XDH: variants seen among roughly 807,000 people sequenced by gnomAD.
XDH encodes the protein xanthine dehydrogenase/oxidase.
XDH carries 138 observed loss-of-function variants against 156.1 expected under a neutral mutation model. That is an observed-to-expected ratio of 0.88 (90% confidence interval 0.77 to 1.02). The LOEUF (loss-of-function observed/expected upper bound fraction) is 1.02. XDH is among the 50% of genes least tolerant of loss of function. The probability of loss-of-function intolerance (pLI) is 0.00; values close to 1 mark genes in which losing one functional copy is unlikely to be tolerated. For synonymous variants in XDH, 669 were observed against 625.7 expected (o/e 1.07, Z -1.03); for missense variants, 1,849 against 1,684.9 (o/e 1.10, Z -1.71).
rs751003838 is a variant in XDH, at chr2:31,387,842, G to T, written c.620C>A (p.Thr207Asn). ...KPEEFTPLDP[T>N]QEPIFPPELL... ...CTCTGGGGGAAAAATGGGCTCCTGG[G>T]TTGGATCCAGGGGCGTGAACTCCTC... is the stretch of plus-strand genomic sequence containing the variant. Residue 207 changes from threonine (T) to asparagine (N), a missense_variant, in exon 8 of 36, where the codon ACC (threonine) becomes AAC (asparagine). By Grantham distance (65) the Thr-to-Asn change is moderately conservative (BLOSUM62 0). Transcript: ENST00000379416. 6.3e-7 allele frequency: 1 copy of T among 1,588,266 alleles called. No individual in the cohort carries two copies. Among genetic ancestry groups the T allele is most frequent in the Admixed American group, 1.8e-5 (1 of 55,298 alleles).
At chr2:31,347,352 C>G (rs990606809) in intron 29 of XDH, among the ~76,000 whole-genome samples, 170 bp downstream of exon 29, 1 of 152,190 alleles carries the variant, frequency 6.6e-6, no homozygotes, top group Non-Finnish European at 1.5e-5. Context: ...TTGGGCCTCT[C>G]TTTTAGCTTG....
chr2:31,411,503 A>G (rs925981902), intron 1 of XDH, among the ~76,000 whole-genome samples: 9 of 152,090 alleles, frequency 5.9e-5, no homozygotes, highest in African/African-American at 1.2e-4. Context: ...AATAAAGCAA[A>G]TGTGGCAAAA....
chr2:31,401,130 A>C (rs1687047702), intron 4 of XDH, 90 bp downstream of exon 4: 1 of 1,447,578 alleles, frequency 6.9e-7, no homozygotes, highest in African/African-American at 1.4e-5. Flanking sequence ...TCTTCCCAAC[A>C]ACCCAAAGCA....
At chr2:31,412,871 T>C (rs1050127229) in intron 1 of XDH, among the ~76,000 whole-genome samples, 3 of 152,222 alleles carry the variant, frequency 2.0e-5, no homozygotes, top group Non-Finnish European at 4.4e-5. Context: ...TACATCATTA[T>C]AAATTACAAA....
At chr2:31,368,506 T>A (rs762618195) in intron 19 of XDH, 35 bp downstream of exon 19, 1 of 1,613,418 alleles carries the variant, frequency 6.2e-7, no homozygotes, top group South Asian at 1.1e-5. Context: ...GACGGGGAGC[T>A]CACTCCTCTA....
Position 31,397,707 on chromosome 2 carries a change from G to C in XDH, c.456C>G (p.Gly152=), listed in dbSNP as rs1271499669. ...GGAAGCCCTGGAGGATGGGTCTGTA[G>C]CCTGTGCAGCGGCACAGATTTCCTG... The part of the protein sequence containing the change: ...AFQGNLCRCT[G]YRPILQGFRT... Residue 152 remains glycine, a synonymous_variant, in exon 6 of 36, where the codon GGC becomes GGG. Transcript: ENST00000379416. The C allele has an allele frequency of 3.1e-6, 5 of 1,614,196 alleles. No individual in the cohort carries two copies. The highest frequency in any genetic ancestry group is 2.5e-6 in the Non-Finnish European group (3 of 1,180,038).
chr2:31,400,676 C>A (rs1255661674), intron 4 of XDH, among the ~76,000 whole-genome samples: 1 of 152,208 alleles, frequency 6.6e-6, no homozygotes, highest in Non-Finnish European at 1.5e-5. Context: ...AGGAGAAAGC[C>A]TTGCTCAGGC....
chr2:31,394,707 T>A (rs1245079736), intron 6 of XDH, among the ~76,000 whole-genome samples: 1 of 152,206 alleles, frequency 6.6e-6, no homozygotes. Flanking sequence ...ACACAGTTCT[T>A]ATTTGTTTCT....
rs766395203 is a variant in XDH, at chr2:31,381,673, C to G, written c.1092G>C (p.Val364=). ...TASPISDLNP[V]FMASGAKLTL... is the part of the protein sequence containing the mutation. ...TCAGCTTGGCCCCACTGGCCATGAA[C>G]ACGGGGTTGAGGTCGGAGATGGGGC... The change falls in exon 12 of 36, where the codon GTG becomes GTC. Residue 364 remains valine, a synonymous_variant. Coordinates refer to ENST00000379416, the MANE Select transcript of XDH (RefSeq NM_000379.4). The G allele has an allele frequency of 6.2e-7, 1 of 1,614,112 alleles. No individual in the cohort carries two copies. The highest frequency in any genetic ancestry group is 8.5e-7 in the Non-Finnish European group (1 of 1,180,034).
chr2:31,355,140 C>T (rs1685591178), intron 24 of XDH, among the ~76,000 whole-genome samples: 2 of 152,098 alleles, frequency 1.3e-5, no homozygotes, highest in Non-Finnish European at 2.9e-5. Flanking sequence ...TTTTCAGGTG[C>T]TGAAAGAAAC....
chr2:31,376,247 T>C (rs1246923776), intron 14 of XDH, among the ~76,000 whole-genome samples: 3 of 150,720 alleles, frequency 2.0e-5, no homozygotes, highest in East Asian at 1.9e-4. Flanking sequence ...ACAAGATAGA[T>C]AGTAGTAGTA....
At chr2:31,355,098 A>C (rs1387738992) in intron 24 of XDH, among the ~76,000 whole-genome samples, 1 of 152,224 alleles carries the variant, frequency 6.6e-6, no homozygotes, top group Non-Finnish European at 1.5e-5. Flanking sequence ...ATTTCTCATC[A>C]GAAGCCATAG....
intron 1 of XDH, among the ~76,000 whole-genome samples, chr2:31,408,927 A>G (rs961046841): frequency 6.6e-6 from 1 of 152,254 alleles, no homozygotes; most frequent in African/African-American, 2.4e-5. Context: ...AATGTGGTAC[A>G]CATACACACT....
At chr2:31,390,298 A>G (rs1387119582) in intron 6 of XDH, among the ~76,000 whole-genome samples, 1 of 152,188 alleles carries the variant, frequency 6.6e-6, no homozygotes, top group Non-Finnish European at 1.5e-5. Context: ...GATTTCTTTC[A>G]CTTAGTAGTA....
intron 13 of XDH, among the ~76,000 whole-genome samples, chr2:31,378,087 AAAGAAAGAAAGAAAGAAAGAAAGGAAGG>A (rs1686303234): frequency 6.1e-5 from 3 of 49,332 alleles, no homozygotes; most frequent in African/African-American, 2.7e-4. Context: ...AGAAAGAAAG[AAAGAAAGAAAGAAAGAAAGAAAGGAAGG>A]AAGGAAGGAA....
At position 31,343,853 on chromosome 2, in the gene XDH, C is replaced by T. The variant is rs182988206; in HGVS notation, c.3404+831G>A. ...GTTCATATATATATTCATATACATA[C>T]GGAAAATAAATGTTTCATACAAAGA... On this transcript the variant is annotated intron_variant, in intron 31 of 35. Transcript: ENST00000379416. 1.4e-3 allele frequency among the ~76,000 whole-genome samples: 200 copies of T among 143,338 alleles called. 2 individuals are homozygous for T. The highest frequency in any genetic ancestry group is 3.8e-3 in the African/African-American group (154 of 40,552). The allele number at this position is 143,338 out of a possible 152,430, so 94.0% of individuals were successfully genotyped here.
At chr2:31,353,538 AATGAC>A (rs1196969190) in intron 24 of XDH, among the ~76,000 whole-genome samples, 9 of 152,338 alleles carry the variant, frequency 5.9e-5, no homozygotes, top group African/African-American at 1.9e-4. Flanking sequence ...CAACCCAAGG[AATGAC>A]ATGATGGTGA....
chr2:31,335,937 A>T lies in XDH; in HGVS notation c.*21T>A. 1.9e-6 allele frequency: 3 copies of T among 1,613,842 alleles called. No homozygotes were observed. The highest frequency in any genetic ancestry group is 2.5e-6 in the Non-Finnish European group (3 of 1,179,826). On this transcript the variant is annotated 3_prime_UTR_variant, in exon 36 of 36. Coordinates refer to ENST00000379416, the MANE Select transcript of XDH (RefSeq NM_000379.4). ...GGAAGCCCAAAGGCAGCACAAGAAG[A>T]CTCTGCTGAGGACTCTCTCTTTAGA...
chr2:31,386,529 C>G lies in XDH; in HGVS notation c.678G>C (p.Gln226His), dbSNP rs770207509. 3.1e-6 allele frequency: 5 copies of G among 1,614,072 alleles called. No homozygotes were observed. Among genetic ancestry groups the G allele is most frequent in the African/African-American group, 1.3e-5 (1 of 74,932 alleles). Reference protein sequence around the residue: ...LLRLKDTPRKQLRFEGERVTW... With the variant: ...LLRLKDTPRKHLRFEGERVTW... ...TCACACGCTCCCCTTCAAATCGCAG[C>G]TGCTTCCGAGGAGTGTCTTTCAGCC... The change falls in exon 9 of 36, where the codon CAG (glutamine) becomes CAC (histidine). Residue 226 changes from glutamine to histidine, a missense_variant. Gln to His is a conservative substitution (Grantham distance 24, BLOSUM62 0). Coordinates refer to ENST00000379416, the MANE Select transcript of XDH (RefSeq NM_000379.4).
Sources: gnomAD v4.1 joint callset for allele counts (sites outside exome capture counted in the v4.1 genomes callset) on GRCh38, gnomAD v4.1.1 for gene constraint, MANE v1.5 for transcripts, NCBI Gene and HGNC (gene_info 2026-07-23, HGNC 2026-07-21) for gene names.